The following CTDP1 variants were observed in gnomAD, a reference collection of about 807,000 sequenced individuals.
The protein encoded by CTDP1 is CTD phosphatase 1.
In CTDP1, 47 loss-of-function variants were observed where a neutral mutation model predicts 91.8. That is an observed-to-expected ratio of 0.51 (90% confidence interval 0.41 to 0.65). The LOEUF (loss-of-function observed/expected upper bound fraction) is 0.65. CTDP1 is among the 30% of genes least tolerant of loss of function. The pLI, the probability that CTDP1 is intolerant of heterozygous loss-of-function variation, is 0.00. For missense variants in CTDP1, 1,272 were observed against 1,373.7 expected, an observed-to-expected ratio of 0.93 and a Z score of 1.17; for synonymous variants, 656 against 598.5, an observed-to-expected ratio of 1.10 and a Z score of -1.40.
rs1356088835 is a variant in CTDP1, at chr18:79,715,462, C to T, written c.2002C>T (p.Leu668Phe). ...CGCCACGGCGCTGGGAGCGAAGATC[C>T]TCACTCGGCTGGTGCTGAGCCCCGA... The part of the protein sequence containing the change: ...YHATALGAKI[L>F]TRLVLSPDAP... The change falls in exon 8 of 13, where the codon CTC becomes TTC. Residue 668 changes from leucine to phenylalanine, a missense_variant. By Grantham distance (22) the Leu-to-Phe change is conservative (BLOSUM62 0). Coordinates refer to ENST00000613122, the MANE Select transcript of CTDP1 (RefSeq NM_004715.5). 6.3e-7 allele frequency: 1 copy of T among 1,586,408 alleles called. No individual in the cohort carries two copies. Among genetic ancestry groups the T allele is most frequent in the Admixed American group, 1.8e-5 (1 of 56,332 alleles).
Position 79,747,796 on chromosome 18 carries a change from G to A in CTDP1, c.2748-5856G>A, listed in dbSNP as rs565527474. On this transcript the variant is annotated intron_variant, in intron 12 of 12. Coordinates refer to ENST00000613122, the MANE Select transcript of CTDP1 (RefSeq NM_004715.5). ...CACTGGTCTTCCCTTTTGTTCCCGC[G>A]GCCACGCTGGCAGTGGCCACGGGAA... Among the ~76,000 whole-genome samples, 211 of 152,212 alleles carry A rather than the reference G, an allele frequency of 1.4e-3. 1 individual carries two copies. Among genetic ancestry groups the A allele is most frequent in the Non-Finnish European group, 1.2e-3 (84 of 68,020 alleles).
At chr18:79,750,668 CTTTT>C (rs749153854) in intron 12 of CTDP1, among the ~76,000 whole-genome samples, 3 of 94,222 alleles carry the variant, frequency 3.2e-5, no homozygotes, top group East Asian at 6.2e-4. Flanking sequence ...TAATTTTTTG[CTTTT>C]TTTTTTTTTT....
chr18:79,742,539 G>T (rs1599312788), intron 12 of CTDP1, among the ~76,000 whole-genome samples: 1 of 152,254 alleles, frequency 6.6e-6, no homozygotes. Context: ...TGACTTAGAT[G>T]AAATCTGAAT....
chr18:79,719,297 C>T (rs558786385), intron 10 of CTDP1, among the ~76,000 whole-genome samples: 94 of 151,962 alleles, frequency 6.2e-4, no homozygotes, highest in African/African-American at 1.9e-3. Context: ...GAGGAGGAGT[C>T]GGGTCGGGTG....
rs1291022938 is a variant in CTDP1 at position 79,716,883 on chromosome 18, C to T, written c.2069-652C>T. 3.3e-5 allele frequency among the ~76,000 whole-genome samples: 5 copies of T among 152,288 alleles called. No homozygotes were observed. In the East Asian group the frequency reaches 5.8e-4, roughly 18 times the overall value. On this transcript the variant is annotated intron_variant, in intron 8 of 12. Coordinates refer to ENST00000613122, the MANE Select transcript of CTDP1 (RefSeq NM_004715.5). ...AGGTCACCCGCTGTGCCCGGCTCCC[C>T]GTCTGAGATCCACCCCTTCCCACCA... is the stretch of plus-strand genomic sequence containing the variant.
chr18:79,717,394 C>A, intron 8 of CTDP1, 141 bp from the exon 9 acceptor site: 4 of 1,222,440 alleles, frequency 3.3e-6, no homozygotes, highest in Non-Finnish European at 2.3e-6. Flanking sequence ...CAGGTGAAGG[C>A]CCTGGTGGGA....
rs2086240748 is a variant in CTDP1, at chr18:79,717,563, G to A, written c.2097G>A (p.Glu699=). The change falls in exon 9 of 13, where the codon GAG becomes GAA. Residue 699 remains glutamate (E), a synonymous_variant. Coordinates refer to ENST00000613122, the MANE Select transcript of CTDP1 (RefSeq NM_004715.5). ...CAGAGAAGGTGCTGCAGGCACAGGA[G>A]TGCGGACACCTGCACGTGGTCAACC... ...AGTEKVLQAQ[E]CGHLHVVNPD... 2 of 1,613,784 alleles carry A rather than the reference G, an allele frequency of 1.2e-6. No individual in the cohort carries two copies. Among genetic ancestry groups the A allele is most frequent in the Non-Finnish European group, 1.7e-6 (2 of 1,179,956 alleles).
intron 11 of CTDP1, among the ~76,000 whole-genome samples, chr18:79,729,659 C>T (rs1035503304): frequency 1.3e-5 from 2 of 152,226 alleles, no homozygotes; most frequent in Non-Finnish European, 2.9e-5. Flanking sequence ...GCCCCTTGGC[C>T]CGTGTGCTTC....
intron 8 of CTDP1, among the ~76,000 whole-genome samples, chr18:79,716,163 A>T (rs1326983835): frequency 6.6e-6 from 1 of 152,114 alleles, no homozygotes; most frequent in African/African-American, 2.4e-5. Flanking sequence ...AAGCACCTGG[A>T]TTTTCCGCGA....
intron 10 of CTDP1, among the ~76,000 whole-genome samples, chr18:79,722,098 A>G (rs1412222624): frequency 6.6e-6 from 1 of 152,234 alleles, no homozygotes; most frequent in East Asian, 1.9e-4. Flanking sequence ...ATTAGATACA[A>G]AACTGGTGTT....
intron 4 of CTDP1, among the ~76,000 whole-genome samples, chr18:79,704,411 C>A (rs902934073): frequency 5.3e-5 from 8 of 152,020 alleles, no homozygotes; most frequent in Non-Finnish European, 8.8e-5. Flanking sequence ...GGGGCGTGTA[C>A]ACACGCATGT....
chr18:79,704,433 T>C (rs2085922249), intron 4 of CTDP1, among the ~76,000 whole-genome samples: 1 of 150,960 alleles, frequency 6.6e-6, no homozygotes. Context: ...CTCTGTCCCG[T>C]GTGGAGGGGC....
intron 5 of CTDP1, among the ~76,000 whole-genome samples, chr18:79,709,905 C>T (rs1215125312): frequency 6.6e-6 from 1 of 152,170 alleles, no homozygotes; most frequent in African/African-American, 2.4e-5. Flanking sequence ...GTGGGCCACC[C>T]GCCTGGGGTT....
At chr18:79,703,431 G>A (rs944357703) in intron 4 of CTDP1, 2 of 152,156 alleles carry the variant, frequency 1.3e-5, no homozygotes, top group Admixed American at 6.5e-5. Flanking sequence ...TTTGCATGTC[G>A]ATCATATGTA....
intron 4 of CTDP1, among the ~76,000 whole-genome samples, chr18:79,699,173 C>T (rs1284316270): frequency 3.3e-5 from 5 of 152,202 alleles, no homozygotes; most frequent in Non-Finnish European, 7.3e-5. Flanking sequence ...GCATCTTACA[C>T]AGCAGTCTAT....
intron 12 of CTDP1, among the ~76,000 whole-genome samples, chr18:79,740,436 T>C (rs1003320239): frequency 2.6e-5 from 4 of 152,244 alleles, no homozygotes; most frequent in Non-Finnish European, 5.9e-5. Context: ...CATTCCTGTT[T>C]ATGGGGTATT....
chr18:79,677,998 A>C (rs2085274444), upstream of CTDP1: 1 of 152,134 alleles, frequency 6.6e-6, no homozygotes, highest in African/African-American at 2.4e-5. Flanking sequence ...TGAGCACCGC[A>C]CGTTTTCCCT....
chr18:79,704,652 C>T (rs774244155), intron 4 of CTDP1, 115 bp from the exon 5 acceptor site: 261 of 1,412,828 alleles, frequency 1.8e-4, no homozygotes, highest in Non-Finnish European at 2.3e-4. Context: ...GTCTTCAGAA[C>T]GCTTGTCTGG....
chr18:79,722,956 G>GTTTA (rs1459837102), intron 10 of CTDP1, among the ~76,000 whole-genome samples: 1 of 152,188 alleles, frequency 6.6e-6, no homozygotes, highest in Non-Finnish European at 1.5e-5. Context: ...TTTTCTTCTG[G>GTTTA]TTTAATCCAA....
Sources: allele counts gnomAD v4.1 joint callset (sites outside exome capture counted in the v4.1 genomes callset), GRCh38; gene constraint gnomAD v4.1.1; transcripts MANE v1.5; gene names NCBI Gene and HGNC (gene_info 2026-07-23, HGNC 2026-07-21).